PPM1L: variants seen among roughly 807,000 people sequenced by gnomAD.
PPM1L encodes protein phosphatase, Mg2+/Mn2+ dependent 1L.
PPM1L carries 13 observed loss-of-function variants against 31.4 expected under a neutral mutation model. The ratio of observed to expected loss-of-function variants is 0.41; its 90% confidence interval spans 0.27 to 0.66. PPM1L has a LOEUF of 0.66. Among genes scored for constraint, PPM1L ranks in the 30% least tolerant of loss-of-function variants. The pLI is 0.29. For missense variants in PPM1L, 326 were observed against 453.7 expected, an observed-to-expected ratio of 0.72 and a Z score of 2.56; for synonymous variants, 184 against 175.4, an observed-to-expected ratio of 1.05 and a Z score of -0.39.
At chr3:160,966,527 T>C (rs1438315258) in intron 2 of PPM1L, among the ~76,000 whole-genome samples, 3 of 152,170 alleles carry the variant, frequency 2.0e-5, no homozygotes, top group Non-Finnish European at 4.4e-5. Context: ...GGCTACATCA[T>C]ATTCTATTTG....
At chr3:160,873,728 G>C (rs1439993800) in intron 1 of PPM1L, among the ~76,000 whole-genome samples, 1 of 151,856 alleles carries the variant, frequency 6.6e-6, no homozygotes, top group Non-Finnish European at 1.5e-5. Context: ...TTGTATTTTT[G>C]TAGAGAGAGG....
At chr3:160,774,647 A>C (rs147523174) in intron 1 of PPM1L, among the ~76,000 whole-genome samples, 3 of 152,128 alleles carry the variant, frequency 2.0e-5, no homozygotes, top group Admixed American at 2.0e-4. Context: ...AATAGTCTCT[A>C]CTGTTCACTG....
At chr3:160,795,495 A>G (rs1478322290) in intron 1 of PPM1L, among the ~76,000 whole-genome samples, 1 of 152,186 alleles carries the variant, frequency 6.6e-6, no homozygotes, top group Non-Finnish European at 1.5e-5. Flanking sequence ...CCGCTGCCCT[A>G]GGGTTAGCAA....
intron 1 of PPM1L, among the ~76,000 whole-genome samples, chr3:160,945,074 T>C (rs1435845033): frequency 1.4e-5 from 2 of 145,310 alleles, no homozygotes; most frequent in Admixed American, 1.4e-4. Flanking sequence ...TAACATGTTA[T>C]ATATAACTAT....
intron 1 of PPM1L, among the ~76,000 whole-genome samples, chr3:160,812,329 G>T (rs1712838474): frequency 6.6e-6 from 1 of 152,172 alleles, no homozygotes; most frequent in African/African-American, 2.4e-5. Context: ...TTGTCACTGT[G>T]ATTTCCAAGT....
At chr3:160,999,756 C>T (rs1394242279) in intron 2 of PPM1L, among the ~76,000 whole-genome samples, 3 of 152,200 alleles carry the variant, frequency 2.0e-5, no homozygotes, top group Non-Finnish European at 4.4e-5. Context: ...TCTGAAGCAT[C>T]TATAATTTGG....
At chr3:160,938,085 C>T (rs1444915780) in intron 1 of PPM1L, among the ~76,000 whole-genome samples, 1 of 152,184 alleles carries the variant, frequency 6.6e-6, no homozygotes, top group Admixed American at 6.5e-5. Context: ...TATCACCACA[C>T]TCTTATAATG....
chr3:160,945,607 T>C (rs560869080), intron 1 of PPM1L, among the ~76,000 whole-genome samples: 2 of 152,286 alleles, frequency 1.3e-5, no homozygotes, highest in African/African-American at 4.8e-5. Context: ...GTTGCCTTTA[T>C]TTCTTTGCAT....
intron 1 of PPM1L, among the ~76,000 whole-genome samples, chr3:160,914,910 T>A (rs1432676669): frequency 6.6e-6 from 1 of 152,044 alleles, no homozygotes; most frequent in Non-Finnish European, 1.5e-5. Flanking sequence ...CCACCAACAG[T>A]GTAAAAGTGT....
At chr3:160,814,033 G>A (rs4627794) in intron 1 of PPM1L, among the ~76,000 whole-genome samples, 7,386 of 152,222 alleles carry the variant, frequency 0.049, 196 homozygotes, top group South Asian at 0.063. Flanking sequence ...ACTATTAGGC[G>A]TTTTATCTTT....
chr3:160,994,620 A>G (rs1397301622), intron 2 of PPM1L, among the ~76,000 whole-genome samples: 1 of 152,134 alleles, frequency 6.6e-6, no homozygotes, highest in Non-Finnish European at 1.5e-5. Context: ...TGCTTAAGTT[A>G]TTGCTATCAG....
chr3:161,053,933 G>A (rs1036534489), intron 2 of PPM1L, among the ~76,000 whole-genome samples: 7 of 152,016 alleles, frequency 4.6e-5, no homozygotes, highest in Non-Finnish European at 1.0e-4. Context: ...ATATCAGAGA[G>A]GAAAAGAAAA....
At chr3:160,879,863 C>G (rs1343161856) in intron 1 of PPM1L, among the ~76,000 whole-genome samples, 1 of 152,160 alleles carries the variant, frequency 6.6e-6, no homozygotes, top group Non-Finnish European at 1.5e-5. Flanking sequence ...CACAGTGATA[C>G]AAATTGAGAA....
chr3:160,980,822 T>TA (rs1303702334), intron 2 of PPM1L, among the ~76,000 whole-genome samples: 1 of 149,214 alleles, frequency 6.7e-6, no homozygotes, highest in Non-Finnish European at 1.5e-5. Flanking sequence ...GGAAGGAAGG[T>TA]AGAAGGAAGG....
At chr3:160,990,671 C>T (rs1253292153) in intron 2 of PPM1L, among the ~76,000 whole-genome samples, 1 of 152,082 alleles carries the variant, frequency 6.6e-6, no homozygotes, top group Admixed American at 6.5e-5. Flanking sequence ...TGAAAGGTCC[C>T]TTCATTTATA....
intron 1 of PPM1L, among the ~76,000 whole-genome samples, chr3:160,778,412 T>A (rs898954179): frequency 2.6e-5 from 4 of 152,190 alleles, no homozygotes; most frequent in Non-Finnish European, 5.9e-5. Context: ...CTGTGTACCC[T>A]TTGTTCAAAG....
intron 2 of PPM1L, among the ~76,000 whole-genome samples, chr3:161,038,008 C>T (rs1269826169): frequency 4.0e-5 from 6 of 151,668 alleles, no homozygotes; most frequent in Non-Finnish European, 7.4e-5. Flanking sequence ...CCGAGGCGGG[C>T]GGATCACGAG....
At chr3:161,009,126 C>T (rs1251766347) in intron 2 of PPM1L, among the ~76,000 whole-genome samples, 1 of 152,158 alleles carries the variant, frequency 6.6e-6, no homozygotes, top group East Asian at 1.9e-4. Flanking sequence ...TTGAATGACT[C>T]TGATTATCAA....
At chr3:160,923,749 G>A (rs1368888106) in intron 1 of PPM1L, among the ~76,000 whole-genome samples, 1 of 152,182 alleles carries the variant, frequency 6.6e-6, no homozygotes, top group African/African-American at 2.4e-5. Context: ...TACTGCATTT[G>A]ATATGCCCCA....
Sources: allele counts gnomAD v4.1 joint callset (sites outside exome capture counted in the v4.1 genomes callset), GRCh38; gene constraint gnomAD v4.1.1; transcripts MANE v1.5; gene names NCBI Gene and HGNC (gene_info 2026-07-23, HGNC 2026-07-21).